UBR4: variants seen among roughly 807,000 people sequenced by gnomAD.
UBR4 encodes the protein E3 ubiquitin-protein ligase UBR4.
UBR4 carries 124 observed loss-of-function variants against 575.6 expected under a neutral mutation model. The ratio of observed to expected loss-of-function variants is 0.22; its 90% CI spans 0.19 to 0.25. The LOEUF (loss-of-function observed/expected upper bound fraction) is 0.25. UBR4 is among the 10% of genes least tolerant of loss of function. The pLI is 1.00. For missense variants in UBR4, 4,818 were observed against 6,478.8 expected (o/e 0.74, Z 8.80); for synonymous variants, 2,455 against 2,473.7 (o/e 0.99, Z 0.22).
Position 19,117,024 on chromosome 1 carries a change from C to T in UBR4, c.10823+197G>A, listed in dbSNP as rs538158678. On this transcript the variant is annotated intron_variant, in intron 73 of 105. Transcript: ENST00000375254. The surrounding 1 kb of genome is among the most constrained non-coding windows in gnomAD (Gnocchi z 4.0). Reference sequence around the variant, plus strand: ...CACAGACCCCTATGGCTCCACTGGGCTAATTTAGAAATAATCTTTGTCAAC... The same window carrying T: ...CACAGACCCCTATGGCTCCACTGGGTTAATTTAGAAATAATCTTTGTCAAC... Among the ~76,000 whole-genome samples the T allele has an allele frequency of 8.0e-4, 122 of 152,292 alleles. 1 individual carries two copies. Among genetic ancestry groups the T allele is most frequent in the African/African-American group, 2.6e-3 (109 of 41,572 alleles).
intron 1 of UBR4, among the ~76,000 whole-genome samples, chr1:19,203,280 T>A (rs2092838185): frequency 6.6e-6 from 1 of 151,262 alleles, no homozygotes; most frequent in Admixed American, 6.6e-5. Flanking sequence ...GCTGGTGGAT[T>A]ATCTGAGGCC....
chr1:19,077,928 A>C (rs370823763), intron 104 of UBR4, 48 bp downstream of exon 104: 2 of 1,612,678 alleles, frequency 1.2e-6, no homozygotes, highest in East Asian at 2.2e-5. Context: ...GAGTGCAGAC[A>C]TTTTACACTC....
rs2092546331 is a variant in UBR4, at chr1:19,197,724, T to C, written c.839A>G (p.Asn280Ser). 1.2e-6 allele frequency: 2 copies of C among 1,614,158 alleles called. No individual in the cohort carries two copies. The highest frequency in any genetic ancestry group is 1.7e-6 in the Non-Finnish European group (2 of 1,180,026). ...INRFQDAVLANSFFIMPATVA... is the reference protein window; with the variant it reads ...INRFQDAVLASSFFIMPATVA... ...TGTTGCAGGCATTATGAAGAAGGAA[T>C]TAGCTAAAACTGCATCTTGGAACCG... The change falls in exon 7 of 106, where the codon AAT becomes AGT. Residue 280 changes from asparagine to serine, a missense_variant. By Grantham distance (46) the Asn-to-Ser change is conservative. This residue lies in a region of UBR4 where 131 missense variants were observed against 214.5 expected (regional missense o/e 0.61). Transcript: ENST00000375254.
intron 1 of UBR4, among the ~76,000 whole-genome samples, chr1:19,208,046 T>C (rs1307348926): frequency 2.0e-5 from 3 of 152,240 alleles, no homozygotes; most frequent in Non-Finnish European, 4.4e-5. Flanking sequence ...GTTCTCACTG[T>C]AAAGAACTTG....
At chr1:19,118,314 T>C (rs2080787080) in intron 71 of UBR4, 1 of 160,240 alleles carries the variant, frequency 6.2e-6, no homozygotes, top group Non-Finnish European at 1.4e-5. Context: ...TAATAAACTG[T>C]CAATTTAACC....
chr1:19,198,590 A>G lies in UBR4; in HGVS notation c.599T>C (p.Val200Ala), dbSNP rs374418386. The G allele has an allele frequency of 6.2e-7, 1 of 1,614,192 alleles. No individual in the cohort carries two copies. The highest frequency in any genetic ancestry group is 8.5e-7 in the Non-Finnish European group (1 of 1,180,018). ...TGATGCTACAGTTCTAGGGTTAAAAACTGAGGTCAGCTGGTTCAAAAAATT... is the reference window on the plus strand; with the variant it reads ...TGATGCTACAGTTCTAGGGTTAAAAGCTGAGGTCAGCTGGTTCAAAAAATT... ...QMNFLNQLTS[V>A]FNPRTVASQP... The change falls in exon 5 of 106, where the codon GTT (valine) becomes GCT (alanine). Residue 200 changes from valine to alanine, a missense_variant. Val to Ala is a moderately conservative substitution (Grantham distance 64). Coordinates refer to ENST00000375254, the MANE Select transcript of UBR4 (RefSeq NM_020765.3).
chr1:19,150,328 G>A (rs1049198210), intron 49 of UBR4, among the ~76,000 whole-genome samples: 2 of 152,176 alleles, frequency 1.3e-5, no homozygotes, highest in African/African-American at 2.4e-5. Flanking sequence ...AAGGGTACCT[G>A]AGCATTATTA....
At chr1:19,209,890 T>C (rs1265117158) in intron 1 of UBR4, among the ~76,000 whole-genome samples, 183 bp downstream of exon 1, 1 of 152,184 alleles carries the variant, frequency 6.6e-6, no homozygotes, top group Non-Finnish European at 1.5e-5. Context: ...AGAGGTGATT[T>C]ACATGCGTTG....
At chr1:19,128,126 G>A (rs1432452305) in intron 62 of UBR4, 85 bp downstream of exon 62, 15 of 1,303,610 alleles carry the variant, frequency 1.2e-5, no homozygotes, top group Admixed American at 1.7e-5. Context: ...GAAACGAGGT[G>A]AAGTTCCTCT....
intron 102 of UBR4, among the ~76,000 whole-genome samples, chr1:19,083,539 A>AT (rs1300639370): frequency 2.0e-5 from 3 of 151,566 alleles, no homozygotes; most frequent in Non-Finnish European, 2.9e-5. Flanking sequence ...CAATCTCCTA[A>AT]TTTTTTTTTC....
chr1:19,187,635 C>T, intron 11 of UBR4, 95 bp from the exon 12 acceptor site: 1 of 1,217,744 alleles, frequency 8.2e-7, no homozygotes, highest in South Asian at 1.3e-5. Flanking sequence ...GGGTTTCAGA[C>T]CCCTTTCAGA....
chr1:19,166,890 T>C, intron 29 of UBR4, 132 bp downstream of exon 29: 1 of 1,000,606 alleles, frequency 1.0e-6, no homozygotes, highest in Admixed American at 2.5e-5. Flanking sequence ...AGCGAGACCA[T>C]GTCTCAGAAT....
chr1:19,197,645 G>A, intron 7 of UBR4, 25 bp downstream of exon 7: 1 of 1,612,044 alleles, frequency 6.2e-7, no homozygotes, highest in Non-Finnish European at 8.5e-7. Flanking sequence ...AAAAAGTAAA[G>A]CATGTGCACT....
In UBR4 at chr1:19,162,382, A is replaced by G. The variant is rs750085932; in HGVS notation, c.4956+38T>C. The G allele has an allele frequency of 6.9e-6, 11 of 1,583,650 alleles. No homozygotes were observed. In the Admixed American group the frequency reaches 1.0e-4, roughly 15 times the overall value. On this transcript the variant is annotated intron_variant, in intron 35 of 105. Coordinates refer to ENST00000375254, the MANE Select transcript of UBR4 (RefSeq NM_020765.3). ...CTTGGTACCATGCCAGTTAGTCATT[A>G]CCTTGAGAGGTTAACTTCGAGGTTA...
At chr1:19,113,461 C>A (rs983307857) in intron 77 of UBR4, 1 of 581,542 alleles carries the variant, frequency 1.7e-6, no homozygotes. Flanking sequence ...ATCTGTGTTA[C>A]CTTCCCATCA....
chr1:19,100,467 G>C lies in UBR4; in HGVS notation c.13130C>G (p.Pro4377Arg). 1.2e-6 allele frequency: 2 copies of C among 1,614,114 alleles called. No homozygotes were observed. The highest frequency in any genetic ancestry group is 1.7e-6 in the Non-Finnish European group (2 of 1,180,030). ...ATCCCTCATCAGCGGCCCGATGCCT[G>C]GCTCATTGCTGCTATACGGGTTCCC... ...MPGNPYSSNE[P>R]GIGPLMRDIK... is the part of the protein sequence containing the mutation. Residue 4377 changes from proline (P) to arginine (R), a missense_variant, in exon 89 of 106, where the codon CCA becomes CGA. By Grantham distance (103) the Pro-to-Arg change is moderately radical. Coordinates refer to ENST00000375254, the MANE Select transcript of UBR4 (RefSeq NM_020765.3). This position sits in a 1 kb window ranked among gnomAD's most constrained non-coding sequence, Gnocchi z 4.2.
Position 19,144,082 on chromosome 1 carries a change from C to G in UBR4, c.8077G>C (p.Val2693Leu), listed in dbSNP as rs2084486571. Residue 2693 changes from valine to leucine, a missense_variant, in exon 55 of 106, where the codon GTG becomes CTG. This residue lies in a region of UBR4 where 340 missense variants were observed against 375.4 expected (regional missense o/e 0.91). Transcript: ENST00000375254. ...MQMLLCPDPA[V>L]SFSCKQALIR... Reference sequence around the variant, plus strand: ...AGAGCTTGTTTACAAGAGAAGCTCACAGCAGGATCCTGAGGTTTAAAAGGA... The same window carrying G: ...AGAGCTTGTTTACAAGAGAAGCTCAGAGCAGGATCCTGAGGTTTAAAAGGA... 1 of 1,613,782 alleles carries G rather than the reference C, an allele frequency of 6.2e-7. No homozygotes were observed. The highest frequency in any genetic ancestry group is 8.5e-7 in the Non-Finnish European group (1 of 1,179,824).
Position 19,100,484 on chromosome 1 carries a change from C to A in UBR4, c.13113G>T (p.Pro4371=), listed in dbSNP as rs200835570. ...CGATGCCTGGCTCATTGCTGCTATA[C>A]GGGTTCCCAGGCATCCTGCCCTGTA... ...DFLQGRMPGN[P]YSSNEPGIGP... Residue 4371 remains proline (P), a synonymous_variant, in exon 89 of 106, where the codon CCG becomes CCT. Transcript: ENST00000375254. The surrounding 1 kb of genome is among the most constrained non-coding windows in gnomAD (Gnocchi z 4.2). The A allele has an allele frequency of 6.2e-7, 1 of 1,614,138 alleles. No individual in the cohort carries two copies. The highest frequency in any genetic ancestry group is 8.5e-7 in the Non-Finnish European group (1 of 1,180,022).
chr1:19,185,156 A>C lies in UBR4; in HGVS notation c.1881T>G (p.Ser627Arg), dbSNP rs1394037329. ...LESSPRVKSP[S>R]KQAPGEKGNI... is the part of the protein sequence containing the mutation. ...TGCCCTTCTCACCAGGGGCCTGCTT[A>C]CTGGGGCTTTTAACCCGAGGAGAGC... is the stretch of plus-strand genomic sequence containing the variant. Residue 627 changes from serine (S) to arginine (R), a missense_variant, in exon 15 of 106, where the codon AGT becomes AGG. Ser to Arg is a moderately radical substitution (Grantham distance 110). Coordinates refer to ENST00000375254, the MANE Select transcript of UBR4 (RefSeq NM_020765.3). 1 of 1,614,020 alleles carries C rather than the reference A, an allele frequency of 6.2e-7. No individual in the cohort carries two copies. Among genetic ancestry groups the C allele is most frequent in the Non-Finnish European group, 8.5e-7 (1 of 1,180,034 alleles).
Sources: gnomAD v4.1 joint callset for allele counts (sites outside exome capture counted in the v4.1 genomes callset) on GRCh38, gnomAD v4.1.1 for gene constraint, gnomAD v4.1.1 regional missense constraint, Gnocchi (gnomAD v3.1) non-coding constraint, MANE v1.5 for transcripts, NCBI Gene and HGNC (gene_info 2026-07-23, HGNC 2026-07-21) for gene names.